LPIN1: variants seen among roughly 807,000 people sequenced by gnomAD.
The protein encoded by LPIN1 is phosphatidate phosphatase LPIN1.
In LPIN1, 71 loss-of-function variants were observed where a neutral mutation model predicts 107.5. That is an observed-to-expected ratio of 0.66 (90% CI 0.55 to 0.80). LPIN1 has a LOEUF of 0.80. Ranked by LOEUF, LPIN1 falls within the 30% of genes least tolerant of loss-of-function variation. LPIN1 has a pLI of 0.00. For synonymous variants in LPIN1, 445 were observed against 452.6 expected (o/e 0.98, Z 0.21); for missense variants, 1,043 against 1,160.6 (o/e 0.90, Z 1.47).
intron 1 of LPIN1, among the ~76,000 whole-genome samples, chr2:11,747,541 C>T (rs1667150780): frequency 6.6e-6 from 1 of 152,254 alleles, no homozygotes. Flanking sequence ...CAGTTTCCCA[C>T]AGGATAGAAG....
chr2:11,810,321 G>T (rs1268506135), intron 17 of LPIN1, among the ~76,000 whole-genome samples: 2 of 152,194 alleles, frequency 1.3e-5, no homozygotes, highest in African/African-American at 4.8e-5. Context: ...GCACTCAGCT[G>T]AGTCTCCATG....
chr2:11,740,684 G>GAA (rs56188204), intron 1 of LPIN1, among the ~76,000 whole-genome samples: 65 of 81,540 alleles, frequency 8.0e-4, no homozygotes, highest in East Asian at 1.8e-3. Flanking sequence ...GCTCTATCTC[G>GAA]AAAAAAAAAA....
At position 11,764,762 on chromosome 2, in the gene LPIN1, G is replaced by A. The variant is rs368003130; in HGVS notation, c.-9-771G>A. Among the ~76,000 whole-genome samples the A allele has an allele frequency of 2.6e-5, 4 of 152,362 alleles. No individual in the cohort carries two copies. The East Asian group carries it at 5.8e-4, about 22-fold the overall frequency. On this transcript the variant is annotated intron_variant, in intron 1 of 20. Coordinates refer to ENST00000674199, the MANE Select transcript of LPIN1 (RefSeq NM_001349206.2). ...ATCAAGTAGCTACTATGATTGGCACGATGGGGGATCCTACGCTGTATGAAA... is the reference window on the plus strand; with the variant it reads ...ATCAAGTAGCTACTATGATTGGCACAATGGGGGATCCTACGCTGTATGAAA...
chr2:11,738,740 G>C (rs1666041678), intron 1 of LPIN1, among the ~76,000 whole-genome samples: 1 of 152,198 alleles, frequency 6.6e-6, no homozygotes, highest in Non-Finnish European at 1.5e-5. Context: ...TGGGCTTCCG[G>C]GAGGCCAAGG....
chr2:11,815,335 T>A, intron 18 of LPIN1, 95 bp downstream of exon 18: 1 of 1,430,492 alleles, frequency 7.0e-7, no homozygotes, highest in East Asian at 2.4e-5. Context: ...TCCTCACTGG[T>A]CTTCTGCCCC....
chr2:11,722,594 G>A (rs1664226485), upstream of LPIN1: 1 of 152,184 alleles, frequency 6.6e-6, no homozygotes, highest in African/African-American at 2.4e-5. Context: ...TCACAGGGTT[G>A]GGAAAATGCA....
At chr2:11,724,220 C>G (rs961856509), upstream of LPIN1, 3 of 544,434 alleles carry the variant, frequency 5.5e-6, no homozygotes, top group African/African-American at 6.2e-5. Flanking sequence ...CTGGCTCACT[C>G]CTCTTCATCT....
intron 1 of LPIN1, chr2:11,683,447 A>C (rs1056095384): frequency 1.3e-5 from 2 of 152,396 alleles, no homozygotes; most frequent in African/African-American, 4.8e-5. Context: ...CAGACATGGG[A>C]GATGGGAGCG....
At chr2:11,691,141 G>C (rs111438945) in intron 1 of LPIN1, among the ~76,000 whole-genome samples, 2,466 of 117,256 alleles carry the variant, frequency 0.021, 28 homozygotes, top group Non-Finnish European at 0.033. Context: ...CTAGTCCTTT[G>C]TTCTCTAGCA....
chr2:11,702,204 G>C (rs992311487), intron 1 of LPIN1, among the ~76,000 whole-genome samples: 7 of 152,212 alleles, frequency 4.6e-5, no homozygotes, highest in Admixed American at 3.3e-4. Context: ...GGAAAATGTG[G>C]ACAAGAGTCT....
rs1682205262 is a variant in LPIN1, at chr2:11,825,130, G to GC, written c.*340dup. 2.8e-6 allele frequency: 1 copy of GC among 361,896 alleles called. No homozygotes were observed. The highest frequency in any genetic ancestry group is 5.3e-6 in the Non-Finnish European group (1 of 189,520). 22.4% of individuals were successfully genotyped at this position (361,896 alleles called of 1,614,324 possible). On this transcript the variant is annotated 3_prime_UTR_variant, in exon 21 of 21. Transcript: ENST00000674199. This position sits in a 1 kb window ranked among gnomAD's most constrained non-coding sequence, Gnocchi z 4.1. ...TGCAGTTTGGGGCTGTGAAACCTAGGCAGAAGGCGGCTGTCTGAGGGCTGT... is the reference window on the plus strand; with the variant it reads ...TGCAGTTTGGGGCTGTGAAACCTAGGCCAGAAGGCGGCTGTCTGAGGGCTGT...
At chr2:11,749,341 T>C (rs1272651573) in intron 1 of LPIN1, among the ~76,000 whole-genome samples, 6 of 152,128 alleles carry the variant, frequency 3.9e-5, no homozygotes, top group African/African-American at 1.4e-4. Flanking sequence ...GATCAGAGGA[T>C]GCACCAGCGC....
At chr2:11,700,590 G>A (rs1487863092) in intron 1 of LPIN1, among the ~76,000 whole-genome samples, 1 of 152,132 alleles carries the variant, frequency 6.6e-6, no homozygotes, top group Non-Finnish European at 1.5e-5. Flanking sequence ...TCTGGAGGCA[G>A]TATCACAGAT....
At chr2:11,724,599 T>G (rs1664412318) in intron 1 of LPIN1, 1 of 985,418 alleles carries the variant, frequency 1.0e-6, no homozygotes. Context: ...GTCCTGACAA[T>G]GTGCCTTCTG....
At chr2:11,682,768 C>G (rs1661792551) in intron 1 of LPIN1, 1 of 152,144 alleles carries the variant, frequency 6.6e-6, no homozygotes, top group African/African-American at 2.4e-5. Context: ...CCCACAGCAC[C>G]TAGCACAGTC....
intron 20 of LPIN1, 86 bp from the exon 21 acceptor site, chr2:11,824,546 T>A: frequency 1.5e-6 from 2 of 1,362,258 alleles, no homozygotes; most frequent in Non-Finnish European, 2.1e-6. Context: ...TCCTTGAGGT[T>A]GTAGATCTCT....
At chr2:11,804,375 A>G in intron 15 of LPIN1, 48 bp from the exon 16 acceptor site, 1 of 1,609,516 alleles carries the variant, frequency 6.2e-7, no homozygotes, top group Non-Finnish European at 8.5e-7. Context: ...CCCATCAATC[A>G]GGGCCTTTCC....
rs555508129 is a variant in LPIN1 at position 11,679,641 on chromosome 2, T to A, written c.81+1913T>A. On this transcript the variant is annotated intron_variant, in intron 1 of 21. Coordinates refer to the LPIN1 transcript ENST00000449576. ...TGTTTGATAAACGCTTGTTGACAGA[T>A]GGACGGGATACTAAGCCCCAGGCTA... Among the ~76,000 whole-genome samples, 7 of 152,350 alleles carry A rather than the reference T, an allele frequency of 4.6e-5. No individual in the cohort carries two copies. The South Asian group carries it at 1.4e-3, about 32-fold the overall frequency.
At chr2:11,683,594 G>A (rs138102217) in intron 1 of LPIN1, among the ~76,000 whole-genome samples, 1,629 of 152,286 alleles carry the variant, frequency 0.011, 28 homozygotes, top group African/African-American at 0.038. Flanking sequence ...GGGAAGTAAC[G>A]GGTCCGCCCT....
Sources: allele counts gnomAD v4.1 joint callset (sites outside exome capture counted in the v4.1 genomes callset), GRCh38; gene constraint gnomAD v4.1.1; non-coding constraint Gnocchi (gnomAD v3.1); transcripts MANE v1.5; gene names NCBI Gene and HGNC (gene_info 2026-07-23, HGNC 2026-07-21).